The following SDK1 variants were observed in gnomAD, a reference collection of about 807,000 sequenced individuals.
SDK1 encodes protein sidekick-1.
In SDK1, 157 loss-of-function variants were observed where a neutral mutation model predicts 245.5. That is an observed-to-expected ratio of 0.64 (90% CI 0.56 to 0.73). The LOEUF (loss-of-function observed/expected upper bound fraction) is 0.73, where lower values mean the gene tolerates loss of function less well. Among genes scored for constraint, SDK1 ranks in the 30% least tolerant of loss-of-function variants. The probability of loss-of-function intolerance (pLI) is 0.00; values close to 1 mark genes in which losing one functional copy is unlikely to be tolerated. For synonymous variants in SDK1, 1,647 were observed against 1,278.5 expected, an observed-to-expected ratio of 1.29 and a Z score of -6.15; for missense variants, 3,583 against 3,002.3, an observed-to-expected ratio of 1.19 and a Z score of -4.52.
chr7:4,042,435 G>C (rs1788701058), intron 17 of SDK1, among the ~76,000 whole-genome samples: 1 of 136,962 alleles, frequency 7.3e-6, no homozygotes, highest in Non-Finnish European at 1.5e-5. Flanking sequence ...CATTGGCTGT[G>C]AGCATCAAGA....
chr7:3,742,966 G>C (rs1268146932), intron 4 of SDK1, among the ~76,000 whole-genome samples: 1 of 152,210 alleles, frequency 6.6e-6, no homozygotes, highest in East Asian at 1.9e-4. Flanking sequence ...CCAGATGAAT[G>C]ACCCTCATTA....
chr7:3,553,726 A>C lies in SDK1; in HGVS notation c.299-65354A>C, dbSNP rs375327087. Among the ~76,000 whole-genome samples, 27 of 152,312 alleles carry C rather than the reference A, an allele frequency of 1.8e-4. No individual in the cohort carries two copies. In the East Asian group the frequency reaches 3.7e-3, roughly 21 times the overall value. On this transcript the variant is annotated intron_variant, in intron 1 of 44. Coordinates refer to ENST00000404826, the MANE Select transcript of SDK1 (RefSeq NM_152744.4). The stretch of plus-strand genomic sequence containing the variant: ...AGGATCCCACTGCAACAAATGGTCC[A>C]GCTGAGTAGCTTCTTTGTCCTCATG...
intron 28 of SDK1, among the ~76,000 whole-genome samples, chr7:4,139,124 C>T (rs957575949): frequency 7.2e-5 from 11 of 152,238 alleles, no homozygotes; most frequent in South Asian, 4.1e-4. Context: ...CCCAGCCCCA[C>T]GGCCCCTGCC....
intron 1 of SDK1, among the ~76,000 whole-genome samples, chr7:3,322,435 G>A (rs1779840545): frequency 6.6e-6 from 1 of 152,106 alleles, no homozygotes; most frequent in African/African-American, 2.4e-5. Flanking sequence ...GAATAGTGTT[G>A]CTGTGAACAT....
At chr7:4,202,203 T>C (rs1783928773) in intron 35 of SDK1, among the ~76,000 whole-genome samples, 1 of 152,134 alleles carries the variant, frequency 6.6e-6, no homozygotes. Context: ...TGATGAAACT[T>C]GTCTTTCACA....
At chr7:3,985,199 G>A (rs1430111589) in intron 13 of SDK1, among the ~76,000 whole-genome samples, 1 of 152,264 alleles carries the variant, frequency 6.6e-6, no homozygotes, top group Non-Finnish European at 1.5e-5. Flanking sequence ...GGTCTGAGAG[G>A]TTCACCATGG....
chr7:4,220,407 C>A, intron 39 of SDK1, 137 bp downstream of exon 39: 1 of 890,896 alleles, frequency 1.1e-6, no homozygotes, highest in Non-Finnish European at 1.7e-6. Context: ...TCGGGGATGT[C>A]TGGGCAACAT....
At chr7:3,506,938 C>T (rs1285102319) in intron 1 of SDK1, among the ~76,000 whole-genome samples, 1 of 151,530 alleles carries the variant, frequency 6.6e-6, no homozygotes. Flanking sequence ...TCTAATTTTT[C>T]TCTTGGTTAA....
intron 13 of SDK1, among the ~76,000 whole-genome samples, chr7:3,975,914 T>TC (rs1200986949): frequency 1.4e-5 from 2 of 146,436 alleles, no homozygotes; most frequent in Non-Finnish European, 3.0e-5. Flanking sequence ...ACGTAGAGGG[T>TC]CCTCCAGAGA....
At position 4,209,048 on chromosome 7, in the gene SDK1, G is replaced by C. The variant is rs142773921; in HGVS notation, c.5401+763G>C. Among the ~76,000 whole-genome samples, 759 of 152,298 alleles carry C rather than the reference G, an allele frequency of 5.0e-3. 6 individuals carry two copies. The highest frequency in any genetic ancestry group is 0.017 in the African/African-American group (720 of 41,566). On this transcript the variant is annotated intron_variant, in intron 37 of 44. Coordinates refer to ENST00000404826, the MANE Select transcript of SDK1 (RefSeq NM_152744.4). ...CTCAGGGCCTTCCGACATTCCATGG[G>C]TTCAGCTGACCCACAGACAATGGAC...
At chr7:3,569,645 A>G (rs1010827007) in intron 1 of SDK1, among the ~76,000 whole-genome samples, 1 of 152,266 alleles carries the variant, frequency 6.6e-6, no homozygotes, top group Non-Finnish European at 1.5e-5. Context: ...AGAAGTGCTC[A>G]CAAGAGCAGA....
At chr7:3,500,209 A>G (rs573589148) in intron 1 of SDK1, among the ~76,000 whole-genome samples, 3 of 152,100 alleles carry the variant, frequency 2.0e-5, no homozygotes, top group East Asian at 3.9e-4. Flanking sequence ...CTGTGATCAC[A>G]TTTCTCTGTG....
intron 4 of SDK1, among the ~76,000 whole-genome samples, chr7:3,783,102 G>A (rs1373070775): frequency 6.6e-6 from 1 of 152,170 alleles, no homozygotes; most frequent in Non-Finnish European, 1.5e-5. Context: ...TCACATTAAT[G>A]GAATGAAGGA....
chr7:3,489,101 A>G (rs1186233733), intron 1 of SDK1, among the ~76,000 whole-genome samples: 1 of 152,110 alleles, frequency 6.6e-6, no homozygotes, highest in Non-Finnish European at 1.5e-5. Flanking sequence ...CAGAGTGGGT[A>G]ATATTCTCTC....
chr7:3,543,275 G>T (rs1192903118), intron 1 of SDK1, among the ~76,000 whole-genome samples: 4 of 152,248 alleles, frequency 2.6e-5, no homozygotes, highest in African/African-American at 9.6e-5. Context: ...TGAAAAAATA[G>T]ATCCCATTCT....
At chr7:3,696,686 C>T (rs549488794) in intron 4 of SDK1, among the ~76,000 whole-genome samples, 58 of 151,196 alleles carry the variant, frequency 3.8e-4, no homozygotes, top group Non-Finnish European at 7.5e-4. Context: ...CCTTTGGTGC[C>T]GATTTCTGAA....
Position 3,328,812 on chromosome 7 carries a change from T to C in SDK1, c.298+26928T>C, listed in dbSNP as rs529189117. 1.1e-4 allele frequency among the ~76,000 whole-genome samples: 17 copies of C among 152,270 alleles called. No homozygotes were observed. The East Asian group carries it at 3.3e-3, about 29-fold the overall frequency. On this transcript the variant is annotated intron_variant, in intron 1 of 44. Transcript: ENST00000404826. The stretch of plus-strand genomic sequence containing the variant: ...CACATGGACTATACAGTTCAGTTAG[T>C]TCAGGTCATGGGCTGTTAGGTTGTT...
intron 1 of SDK1, among the ~76,000 whole-genome samples, chr7:3,447,641 G>T (rs1334379960): frequency 2.7e-5 from 4 of 150,606 alleles, no homozygotes; most frequent in Admixed American, 1.3e-4. Context: ...TTCCTGTGAG[G>T]TATTGTTTTT....
intron 1 of SDK1, among the ~76,000 whole-genome samples, chr7:3,356,344 C>T (rs992598664): frequency 1.9e-4 from 29 of 152,044 alleles, no homozygotes; most frequent in Non-Finnish European, 1.3e-4. Context: ...GGGCAGTTGC[C>T]GTGCACATCA....
Sources: allele counts gnomAD v4.1 joint callset (sites outside exome capture counted in the v4.1 genomes callset), GRCh38; gene constraint gnomAD v4.1.1; transcripts MANE v1.5; gene names NCBI Gene and HGNC (gene_info 2026-07-23, HGNC 2026-07-21).